SQSTM1: variants seen among roughly 807,000 people sequenced by gnomAD.
The protein encoded by SQSTM1 is sequestosome 1.
In SQSTM1, 36 loss-of-function variants were observed where a neutral mutation model predicts 45.1. The ratio of observed to expected loss-of-function variants is 0.80; its 90% CI spans 0.61 to 1.05. The LOEUF (loss-of-function observed/expected upper bound fraction) is 1.05, where lower values mean the gene tolerates loss of function less well. SQSTM1 is among the 50% of genes least tolerant of loss of function. SQSTM1 has a pLI of 0.00. For missense variants in SQSTM1, 617 were observed against 607.1 expected, an observed-to-expected ratio of 1.02 and a Z score of -0.17; for synonymous variants, 290 against 244.3, an observed-to-expected ratio of 1.19 and a Z score of -1.74.
At chr5:179,818,060 G>T (rs1423512976), upstream of SQSTM1, among the ~76,000 whole-genome samples, 1 of 150,740 alleles carries the variant, frequency 6.6e-6, no homozygotes, top group Non-Finnish European at 1.5e-5. Flanking sequence ...AGTGCCTGGG[G>T]ATTTTTCCTA....
intron 5 of SQSTM1, among the ~76,000 whole-genome samples, chr5:179,830,940 A>G (rs1758185408): frequency 6.6e-6 from 1 of 152,046 alleles, no homozygotes; most frequent in African/African-American, 2.4e-5. Flanking sequence ...TGGGCTCAAG[A>G]GATTTCTCAT....
intron 1 of SQSTM1, among the ~76,000 whole-genome samples, chr5:179,822,075 C>T (rs1450047418): frequency 1.3e-5 from 2 of 152,198 alleles, no homozygotes; most frequent in Non-Finnish European, 2.9e-5. Flanking sequence ...AGCTTTTCAT[C>T]ACCTTATAAA....
chr5:179,836,586 C>G lies in SQSTM1; in HGVS notation c.1316C>G (p.Pro439Arg). The G allele has an allele frequency of 6.2e-7, 1 of 1,614,190 alleles. No homozygotes were observed. The highest frequency in any genetic ancestry group is 8.5e-7 in the Non-Finnish European group (1 of 1,180,032). Reference protein sequence around the residue: ...DTIQYSKHPPPL With the variant: ...DTIQYSKHPPRL ...ATCCAGTATTCAAAGCATCCCCCGCCGTTGTGACCACTTTTGCCCACCTCT... is the reference window on the plus strand; with the variant it reads ...ATCCAGTATTCAAAGCATCCCCCGCGGTTGTGACCACTTTTGCCCACCTCT... Residue 439 changes from proline (P) to arginine (R), a missense_variant, in exon 8 of 8, where the codon CCG becomes CGG. Pro to Arg is a moderately radical substitution (Grantham distance 103). Coordinates refer to ENST00000389805, the MANE Select transcript of SQSTM1 (RefSeq NM_003900.5).
In SQSTM1 at chr5:179,833,569, T is replaced by G. The variant is rs1561605939; in HGVS notation, c.970-18T>G. The G allele has an allele frequency of 5.6e-6, 9 of 1,614,000 alleles. No individual in the cohort carries two copies. The highest frequency in any genetic ancestry group is 1.3e-5 in the African/African-American group (1 of 75,038). On this transcript the variant is annotated intron_variant, in intron 6 of 7. Transcript: ENST00000389805. ...GTTGCGCGTGTCTCCTGTGTGCTCA[T>G]GGTGAGTTTTGTTCCAGGAACAGAT...
At chr5:179,821,809 A>C (rs919137759) in intron 1 of SQSTM1, 9 of 294,690 alleles carry the variant, frequency 3.1e-5, no homozygotes, top group African/African-American at 1.9e-4. Flanking sequence ...TGGTGTGACC[A>C]GTGGCTGCTG....
chr5:179,819,170 G>C (rs553179139), upstream of SQSTM1: 2 of 152,298 alleles, frequency 1.3e-5, no homozygotes, highest in Non-Finnish European at 2.9e-5. Context: ...CTGCCAGGGG[G>C]TTCCCGCCGC....
intron 2 of SQSTM1, chr5:179,812,811 C>T (rs1757469919): frequency 2.0e-5 from 3 of 152,222 alleles, no homozygotes; most frequent in Admixed American, 1.3e-4. Context: ...CTGCCTGCCT[C>T]CAAGACAGCT....
At chr5:179,826,589 C>T (rs1240737220) in intron 5 of SQSTM1, among the ~76,000 whole-genome samples, 2 of 145,092 alleles carry the variant, frequency 1.4e-5, no homozygotes, top group Non-Finnish European at 3.0e-5. Context: ...AAAGAAGAAT[C>T]GCTAGTCTGT....
rs1370363543 is a variant in SQSTM1, at chr5:179,824,278, C to T, written c.628C>T (p.Pro210Ser). 1.9e-6 allele frequency: 3 copies of T among 1,613,730 alleles called. No homozygotes were observed. The highest frequency in any genetic ancestry group is 2.5e-6 in the Non-Finnish European group (3 of 1,179,966). ...MGPPGNWSPR[P>S]PRAGEARPGP... is the part of the protein sequence containing the mutation. ...TCCACCAGGAAACTGGAGCCCACGT[C>T]CTCCTCGTGCAGGGGAGGCCCGCCC... Residue 210 changes from proline to serine, a missense_variant, in exon 4 of 8, where the codon CCT becomes TCT. Physicochemically the swap from Pro to Ser is moderately conservative, Grantham distance 74. Coordinates refer to ENST00000389805, the MANE Select transcript of SQSTM1 (RefSeq NM_003900.5).
chr5:179,837,343 T>G lies in SQSTM1; in HGVS notation c.*750T>G, dbSNP rs752454397. 1.4e-5 allele frequency: 22 copies of G among 1,583,994 alleles called. No individual in the cohort carries two copies. The highest frequency in any genetic ancestry group is 1.9e-5 in the Non-Finnish European group (22 of 1,164,916). On this transcript the variant is annotated 3_prime_UTR_variant, in exon 8 of 8. Transcript: ENST00000389805. ...CTTTAAAAGTGCCTTAGGGGAACCC[T>G]GTCCCTCCTAACAAGTGTATCTCGA... is the stretch of plus-strand genomic sequence containing the variant.
At chr5:179,807,107 G>C (rs1757204552) in intron 1 of SQSTM1, among the ~76,000 whole-genome samples, 1 of 151,690 alleles carries the variant, frequency 6.6e-6, no homozygotes, top group Admixed American at 6.6e-5. Context: ...GCGTGGGCTC[G>C]TGCGAGTCGG....
intron 5 of SQSTM1, among the ~76,000 whole-genome samples, chr5:179,825,596 C>T (rs1341173995): frequency 2.0e-5 from 3 of 152,196 alleles, no homozygotes; most frequent in Admixed American, 6.5e-5. Flanking sequence ...TTTTGAGGAC[C>T]TGGGTAGTAG....
At position 179,837,121 on chromosome 5, in the gene SQSTM1, C is replaced by G; in HGVS notation, c.*528C>G. On this transcript the variant is annotated 3_prime_UTR_variant, in exon 8 of 8. Transcript: ENST00000389805. Reference sequence around the variant, plus strand: ...TCCGCAATGTTGGTTTCACTGAGAGCTGCCTCCTGGTCTCTTCACCACTGT... The same window carrying G: ...TCCGCAATGTTGGTTTCACTGAGAGGTGCCTCCTGGTCTCTTCACCACTGT... 1 of 1,141,410 alleles carries G rather than the reference C, an allele frequency of 8.8e-7. No individual in the cohort carries two copies. Among genetic ancestry groups the G allele is most frequent in the South Asian group, 1.3e-5 (1 of 75,590 alleles). 70.7% of individuals were successfully genotyped at this position (1,141,410 alleles called of 1,614,324 possible).
chr5:179,836,847 GCAGCGCGCTCCTGACCC>G lies in SQSTM1; in HGVS notation c.*256_*272del. ...GGGCCTGCGAGACCCAAGGCTCACT[GCAGCGCGCTCCTGACCC>G]CTCCCTGCAGGGGCTACGTTAGCAG... is the stretch of plus-strand genomic sequence containing the variant. On this transcript the variant is annotated 3_prime_UTR_variant, in exon 8 of 8. Transcript: ENST00000389805. 1.5e-6 allele frequency: 1 copy of G among 645,204 alleles called. No homozygotes were observed. The highest frequency in any genetic ancestry group is 1.8e-5 in the South Asian group (1 of 54,230). The allele number at this position is 645,204 out of a possible 1,614,324, so 40.0% of individuals were successfully genotyped here.
At chr5:179,828,430 A>G (rs572327742) in intron 5 of SQSTM1, among the ~76,000 whole-genome samples, 2 of 138,122 alleles carry the variant, frequency 1.4e-5, no homozygotes, top group South Asian at 2.2e-4. Flanking sequence ...CTGGAGTGCA[A>G]TGGTGTGATC....
intron 2 of SQSTM1, chr5:179,813,732 G>A (rs1386105619): frequency 1.3e-5 from 2 of 150,194 alleles, no homozygotes; most frequent in Non-Finnish European, 2.9e-5. Context: ...TTCAGCCTGG[G>A]CCACAGAGTG....
upstream of SQSTM1, among the ~76,000 whole-genome samples, chr5:179,818,618 C>T (rs545458449): frequency 6.6e-6 from 1 of 152,326 alleles, no homozygotes; most frequent in East Asian, 1.9e-4. Context: ...TGGCTCAGGC[C>T]TCTCCTGCCC....
chr5:179,815,885 C>T (rs1757562095), upstream of SQSTM1, among the ~76,000 whole-genome samples: 1 of 152,134 alleles, frequency 6.6e-6, no homozygotes. Flanking sequence ...CACTCCCACG[C>T]AACATCCACA....
chr5:179,807,355 G>C (rs974119395), intron 1 of SQSTM1: 3 of 152,370 alleles, frequency 2.0e-5, no homozygotes, highest in African/African-American at 7.2e-5. Flanking sequence ...CGCCCAGGGC[G>C]CTTCCCCGCT....
Sources: gnomAD v4.1 joint callset for allele counts (sites outside exome capture counted in the v4.1 genomes callset) on GRCh38, gnomAD v4.1.1 for gene constraint, MANE v1.5 for transcripts, NCBI Gene and HGNC (gene_info 2026-07-23, HGNC 2026-07-21) for gene names.